The following MACROD2 variants were observed in gnomAD, a reference collection of about 807,000 sequenced individuals.
MACROD2 encodes ADP-ribose glycohydrolase MACROD2.
MACROD2 carries 36 observed loss-of-function variants against 70.4 expected under a neutral mutation model. The ratio of observed to expected loss-of-function variants is 0.51; its 90% confidence interval spans 0.39 to 0.68. MACROD2 has a LOEUF of 0.68. Among genes scored for constraint, MACROD2 ranks in the 30% least tolerant of loss-of-function variants. MACROD2 has a pLI of 0.00. For missense variants in MACROD2, 496 were observed against 538.4 expected (o/e 0.92, Z 0.78); for synonymous variants, 172 against 178.8 (o/e 0.96, Z 0.30).
chr20:14,305,462 A>T (rs186311392), intron 3 of MACROD2, among the ~76,000 whole-genome samples: 22 of 152,268 alleles, frequency 1.4e-4, no homozygotes, highest in Admixed American at 1.3e-3. Flanking sequence ...GACTTGGAAC[A>T]GTATATATAG....
At chr20:14,142,479 T>A (rs2054889365) in intron 3 of MACROD2, among the ~76,000 whole-genome samples, 2 of 152,222 alleles carry the variant, frequency 1.3e-5, no homozygotes, top group African/African-American at 4.8e-5. Context: ...TGCTCATTTG[T>A]GTCCTCGTGT....
intron 5 of MACROD2, among the ~76,000 whole-genome samples, chr20:14,846,270 G>T (rs1041728100): frequency 1.3e-5 from 2 of 151,830 alleles, no homozygotes; most frequent in African/African-American, 4.8e-5. Flanking sequence ...CTGTCACCTG[G>T]GCTGGAGTGC....
At chr20:15,396,260 G>A (rs1467325442) in intron 6 of MACROD2, among the ~76,000 whole-genome samples, 1 of 152,144 alleles carries the variant, frequency 6.6e-6, no homozygotes, top group African/African-American at 2.4e-5. Context: ...AGCAGTCATT[G>A]CCCTAAATCT....
intron 3 of MACROD2, among the ~76,000 whole-genome samples, chr20:14,406,128 G>T (rs1415326941): frequency 6.6e-6 from 1 of 152,034 alleles, no homozygotes; most frequent in Non-Finnish European, 1.5e-5. Flanking sequence ...GGACCTGTTT[G>T]ACAAAAATTT....
chr20:14,852,274 G>T (rs758830326), intron 5 of MACROD2, among the ~76,000 whole-genome samples: 3 of 152,112 alleles, frequency 2.0e-5, no homozygotes, highest in Non-Finnish European at 4.4e-5. Flanking sequence ...GGCCCCCACA[G>T]TAGTCCGTTT....
chr20:14,384,189 A>AT (rs2083449183), intron 3 of MACROD2, among the ~76,000 whole-genome samples: 2 of 152,168 alleles, frequency 1.3e-5, no homozygotes, highest in African/African-American at 2.4e-5. Context: ...TGATACTTGT[A>AT]GGATTCAAAT....
intron 3 of MACROD2, among the ~76,000 whole-genome samples, chr20:14,276,229 A>G (rs1206026804): frequency 6.6e-6 from 1 of 151,910 alleles, no homozygotes; most frequent in Non-Finnish European, 1.5e-5. Flanking sequence ...AACCAACCCA[A>G]ATGTCCAACA....
At chr20:15,500,441 G>A (rs183844042) in intron 8 of MACROD2, among the ~76,000 whole-genome samples, 24 of 152,248 alleles carry the variant, frequency 1.6e-4, no homozygotes, top group Middle Eastern at 3.4e-3. Flanking sequence ...ATGAATAGGG[G>A]AATTACTCAA....
intron 5 of MACROD2, among the ~76,000 whole-genome samples, chr20:14,792,757 C>T (rs2072465012): frequency 6.6e-6 from 1 of 151,908 alleles, no homozygotes; most frequent in African/African-American, 2.4e-5. Context: ...AATTCATTTA[C>T]CAAGTTGATT....
At chr20:15,325,324 C>CA (rs1223052276) in intron 6 of MACROD2, among the ~76,000 whole-genome samples, 2 of 152,094 alleles carry the variant, frequency 1.3e-5, no homozygotes, top group African/African-American at 4.8e-5. Flanking sequence ...AGAATATTTA[C>CA]AAAATTAAAA....
At chr20:15,670,600 TA>T (rs1170670966) in intron 8 of MACROD2, among the ~76,000 whole-genome samples, 5 of 152,356 alleles carry the variant, frequency 3.3e-5, no homozygotes, top group Middle Eastern at 6.8e-3. Flanking sequence ...ACATTTTTTA[TA>T]ACTTGTGTAA....
At chr20:15,592,448 A>G (rs1184503084) in intron 8 of MACROD2, among the ~76,000 whole-genome samples, 1 of 152,216 alleles carries the variant, frequency 6.6e-6, no homozygotes, top group Admixed American at 6.5e-5. Flanking sequence ...TTAGGCAGGA[A>G]GGCCTGCAAC....
intron 2 of MACROD2, among the ~76,000 whole-genome samples, chr20:14,020,987 CTTTTTTT>C (rs1163077387): frequency 2.0e-4 from 22 of 111,550 alleles, no homozygotes; most frequent in South Asian, 8.7e-4. Context: ...TTTGAATATT[CTTTTTTT>C]TTTTTTTTTT....
At chr20:15,591,019 A>G (rs576422621) in intron 8 of MACROD2, among the ~76,000 whole-genome samples, 3 of 152,130 alleles carry the variant, frequency 2.0e-5, no homozygotes, top group Non-Finnish European at 4.4e-5. Flanking sequence ...AAAAGAAAGA[A>G]AGAGAAAGAA....
At chr20:15,694,566 GT>G (rs201252585) in intron 8 of MACROD2, among the ~76,000 whole-genome samples, 29 of 150,376 alleles carry the variant, frequency 1.9e-4, no homozygotes, top group African/African-American at 6.8e-4. Flanking sequence ...TGTGATGTTT[GT>G]TTTTTTTTCT....
chr20:14,532,384 A>ATT (rs554244215), intron 4 of MACROD2, among the ~76,000 whole-genome samples: 3 of 141,522 alleles, frequency 2.1e-5, no homozygotes, highest in African/African-American at 5.2e-5. Flanking sequence ...TGCCCGGCTA[A>ATT]TTTTTTTTTT....
intron 6 of MACROD2, among the ~76,000 whole-genome samples, chr20:15,268,610 G>T (rs543836501): frequency 1.3e-5 from 2 of 152,138 alleles, no homozygotes; most frequent in Non-Finnish European, 2.9e-5. Flanking sequence ...CTGAGATTGC[G>T]CCACTGCACT....
intron 5 of MACROD2, among the ~76,000 whole-genome samples, chr20:15,185,605 A>C (rs969288855): frequency 6.6e-6 from 1 of 152,168 alleles, no homozygotes; most frequent in African/African-American, 2.4e-5. Context: ...CCTATTATTA[A>C]ATTTACTACA....
intron 5 of MACROD2, among the ~76,000 whole-genome samples, chr20:14,859,128 A>G (rs1483045790): frequency 6.6e-6 from 1 of 152,058 alleles, no homozygotes; most frequent in Admixed American, 6.6e-5. Flanking sequence ...GGTGTAGTAT[A>G]TCCTGCTTAG....
Sources: gnomAD v4.1 joint callset for allele counts (sites outside exome capture counted in the v4.1 genomes callset) on GRCh38, gnomAD v4.1.1 for gene constraint, MANE v1.5 for transcripts, NCBI Gene and HGNC (gene_info 2026-07-23, HGNC 2026-07-21) for gene names.